Variants in TRDN observed in about 807,000 individuals in gnomAD.
TRDN encodes triadin.
A neutral mutation model predicts 149.7 loss-of-function variants in TRDN; 161 were observed. The observed-to-expected ratio is 1.08, with a 90% CI of 0.95 to 1.23. The LOEUF is 1.23. TRDN is among the 50% of genes most tolerant of loss of function. The pLI, the probability that TRDN is intolerant of heterozygous loss-of-function variation, is 0.00. For synonymous variants in TRDN, 294 were observed against 250.5 expected (o/e 1.17, Z -1.64); for missense variants, 896 against 823.5 (o/e 1.09, Z -1.08).
chr6:123,265,216 A>G, intron 33 of TRDN, 102 bp downstream of exon 33: 1 of 920,288 alleles, frequency 1.1e-6, no homozygotes, highest in East Asian at 3.0e-5. Context: ...TATTACATTA[A>G]CAAACAGACC....
intron 2 of TRDN, among the ~76,000 whole-genome samples, chr6:123,550,650 A>T (rs2114446889): frequency 6.6e-6 from 1 of 152,186 alleles, no homozygotes; most frequent in Non-Finnish European, 1.5e-5. Flanking sequence ...CATGGTTTAT[A>T]CTGATGGGAA....
At position 123,268,643 on chromosome 6, in the gene TRDN, C is replaced by T. The variant is rs1442214940; in HGVS notation, c.1739-892G>A. Among the ~76,000 whole-genome samples, 4 of 152,052 alleles carry T rather than the reference C, an allele frequency of 2.6e-5. No homozygotes were observed. The East Asian group carries it at 5.8e-4, about 22-fold the overall frequency. ...GAGTTTCTCTAAACTTACTACTTTT[C>T]CCCCAAATTATGCACCAACACTGAA... On this transcript the variant is annotated intron_variant, in intron 31 of 40. Transcript: ENST00000334268.
At chr6:123,270,597 T>C (rs4897172) in intron 30 of TRDN, among the ~76,000 whole-genome samples, 26,833 of 151,898 alleles carry the variant, frequency 0.18, 3,083 homozygotes, top group East Asian at 0.54. Flanking sequence ...AACTTCTGAA[T>C]TGCAAGAGTA....
In TRDN at chr6:123,464,698, G is replaced by T. The variant is rs910772399; in HGVS notation, c.931+208C>A. On this transcript the variant is annotated intron_variant, in intron 10 of 40. Transcript: ENST00000334268. Reference sequence around the variant, plus strand: ...GTGGGCATCCTTCTGGAAGCTGAGGGTCACCAATATAGAATCTTAAGGGGA... The same window carrying T: ...GTGGGCATCCTTCTGGAAGCTGAGGTTCACCAATATAGAATCTTAAGGGGA... 9 of 1,334,790 alleles carry T rather than the reference G, an allele frequency of 6.7e-6. No individual in the cohort carries two copies. The East Asian group carries it at 2.2e-4, about 33-fold the overall frequency. 82.7% of individuals were successfully genotyped at this position (1,334,790 alleles called of 1,614,324 possible). A position where few individuals can be genotyped will look rare whatever the true frequency, so the allele number is the denominator to read the frequency against.
chr6:123,434,190 T>G (rs1347643872), intron 12 of TRDN: 1 of 152,146 alleles, frequency 6.6e-6, no homozygotes, highest in Non-Finnish European at 1.5e-5. Context: ...TTGTATGAAT[T>G]TTATCATCTT....
intron 24 of TRDN, among the ~76,000 whole-genome samples, chr6:123,306,027 A>T (rs1392897117): frequency 6.6e-6 from 1 of 152,166 alleles, no homozygotes; most frequent in African/African-American, 2.4e-5. Flanking sequence ...CTAGTTATTC[A>T]AACTGGATTT....
intron 24 of TRDN, 73 bp downstream of exon 24, chr6:123,316,384 A>T (rs1188985114): frequency 2.4e-5 from 34 of 1,429,602 alleles, no homozygotes; most frequent in South Asian, 2.3e-5. Flanking sequence ...CAGGATTGTA[A>T]AACTGTAAAA....
At chr6:123,477,623 T>C (rs1777552004) in intron 9 of TRDN, among the ~76,000 whole-genome samples, 1 of 151,774 alleles carries the variant, frequency 6.6e-6, no homozygotes, top group Non-Finnish European at 1.5e-5. Flanking sequence ...ATGTTTATTG[T>C]GGCATTATTC....
chr6:123,320,175 C>G (rs1469970493), intron 23 of TRDN, among the ~76,000 whole-genome samples: 1 of 151,436 alleles, frequency 6.6e-6, no homozygotes, highest in African/African-American at 2.4e-5. Flanking sequence ...TTCTTTAGCA[C>G]ATAGATATCT....
rs1318406425 is a variant in TRDN at position 123,278,412 on chromosome 6, T to C, written c.1538-65A>G. 6.9e-5 allele frequency: 68 copies of C among 990,892 alleles called. No individual in the cohort carries two copies. In the South Asian group the frequency reaches 1.3e-3, roughly 19 times the overall value. The allele number at this position is 990,892 out of a possible 1,614,324, so 61.4% of individuals were successfully genotyped here. A position where few individuals can be genotyped will look rare whatever the true frequency, so the allele number is the denominator to read the frequency against. On this transcript the variant is annotated intron_variant, in intron 25 of 40. Transcript: ENST00000334268. ...AAGATATTCATTTCCTATATACTTG[T>C]GCATATTTATTTTTATATAATTATT...
intron 38 of TRDN, among the ~76,000 whole-genome samples, chr6:123,249,700 A>G (rs1371925055): frequency 6.6e-6 from 1 of 152,158 alleles, no homozygotes; most frequent in African/African-American, 2.4e-5. Flanking sequence ...TTTATCATGC[A>G]TTATCACTTA....
At chr6:123,382,182 A>T in intron 14 of TRDN, 35 bp from the exon 15 acceptor site, 1 of 1,426,406 alleles carries the variant, frequency 7.0e-7, no homozygotes, top group Admixed American at 2.6e-5. Flanking sequence ...AATAAAACAG[A>T]TACAATAAAT....
At chr6:123,278,210 T>C in intron 26 of TRDN, 108 bp downstream of exon 26, 1 of 774,502 alleles carries the variant, frequency 1.3e-6, no homozygotes, top group South Asian at 2.2e-5. Context: ...TGGTCAAGGA[T>C]AAAATTTGAT....
intron 2 of TRDN, among the ~76,000 whole-genome samples, chr6:123,559,734 A>G (rs773400056): frequency 2.6e-5 from 4 of 152,082 alleles, no homozygotes; most frequent in Non-Finnish European, 4.4e-5. Context: ...CTGTCCTAAA[A>G]CCAGACAAGC....
chr6:123,507,593 C>T (rs1450720407), intron 7 of TRDN, among the ~76,000 whole-genome samples: 1 of 152,124 alleles, frequency 6.6e-6, no homozygotes, highest in Middle Eastern at 3.4e-3. Flanking sequence ...ACACATTCTT[C>T]AATTTTGTGC....
chr6:123,433,069 C>T (rs1317056587), intron 12 of TRDN, among the ~76,000 whole-genome samples: 1 of 146,428 alleles, frequency 6.8e-6, no homozygotes, highest in Admixed American at 6.9e-5. Flanking sequence ...TTAATAAAGT[C>T]CAAACACCTA....
Position 123,283,942 on chromosome 6 carries a change from T to C in TRDN, c.1511-4860A>G, listed in dbSNP as rs1245107313. 1.0e-4 allele frequency among the ~76,000 whole-genome samples: 13 copies of C among 124,432 alleles called. No individual in the cohort carries two copies. The Admixed American group carries it at 1.2e-3, about 11-fold the overall frequency. 81.6% of individuals were successfully genotyped at this position (124,432 alleles called of 152,430 possible). On this transcript the variant is annotated intron_variant, in intron 24 of 40. Transcript: ENST00000334268. ...TGGTAATTTTTTATTACCATTTCAG[T>C]CTCTAAATGATGAGTTAATAGGTGC...
chr6:123,296,855 T>C (rs1778220273), intron 24 of TRDN, among the ~76,000 whole-genome samples: 1 of 152,046 alleles, frequency 6.6e-6, no homozygotes, highest in Non-Finnish European at 1.5e-5. Context: ...AAATTTCCCT[T>C]TAGTCTTTTA....
intron 1 of TRDN, among the ~76,000 whole-genome samples, chr6:123,580,925 A>G (rs771466685): frequency 6.6e-6 from 1 of 152,082 alleles, no homozygotes; most frequent in South Asian, 2.1e-4. Flanking sequence ...ACTAGAATTC[A>G]TTTCTTAATT....
Sources: gnomAD v4.1 joint callset for allele counts (sites outside exome capture counted in the v4.1 genomes callset) on GRCh38, gnomAD v4.1.1 for gene constraint, MANE v1.5 for transcripts, NCBI Gene and HGNC (gene_info 2026-07-23, HGNC 2026-07-21) for gene names.